Variants in GEN1 observed in about 807,000 individuals in gnomAD.
GEN1 encodes flap endonuclease GEN homolog 1.
Under a neutral mutation model 67.6 loss-of-function variants are expected in GEN1, and 64 were observed. The ratio of observed to expected loss-of-function variants is 0.95; its 90% CI spans 0.77 to 1.17. The LOEUF (loss-of-function observed/expected upper bound fraction) is 1.17, where lower values mean the gene tolerates loss of function less well. Ranked by LOEUF, GEN1 falls within the 50% of genes most tolerant of loss-of-function variation. The pLI is 0.00. For missense variants in GEN1, 1,058 were observed against 1,048.3 expected, an observed-to-expected ratio of 1.01 and a Z score of -0.13; for synonymous variants, 371 against 359.4, an observed-to-expected ratio of 1.03 and a Z score of -0.37.
chr2:17,753,564 G>A (rs187116045), upstream of GEN1: 9,935 of 152,212 alleles, frequency 0.065, 738 homozygotes, highest in African/African-American at 0.18. Flanking sequence ...CAGCCAAGGG[G>A]GCAGCGGGCG....
chr2:17,769,115 A>G (rs1179448307), intron 6 of GEN1, among the ~76,000 whole-genome samples: 3 of 152,012 alleles, frequency 2.0e-5, no homozygotes, highest in African/African-American at 7.2e-5. Flanking sequence ...AACCTGCCGG[A>G]GTCAAGTGAT....
intron 11 of GEN1, 27 bp from the exon 12 acceptor site, chr2:17,777,975 A>T: frequency 7.7e-7 from 1 of 1,300,322 alleles, no homozygotes; most frequent in Non-Finnish European, 1.1e-6. Context: ...ATGCAATTAG[A>T]CTTCATTAAA....
At chr2:17,765,110 C>A in intron 4 of GEN1, 37 bp downstream of exon 4, 1 of 1,590,804 alleles carries the variant, frequency 6.3e-7, no homozygotes, top group East Asian at 2.2e-5. Flanking sequence ...CATTTGTTTA[C>A]GAACTACCTT....
Position 17,773,217 on chromosome 2 carries a change from A to T in GEN1, c.991-2A>T. 1 of 1,589,426 alleles carries T rather than the reference A, an allele frequency of 6.3e-7. No homozygotes were observed. The highest frequency in any genetic ancestry group is 8.6e-7 in the Non-Finnish European group (1 of 1,162,072). ...AGTTTCTATTTTCTTTTTTCTTGCT[A>T]GGTTATTCAAGAATTCCTTTTAAAC... is the stretch of plus-strand genomic sequence containing the variant. On this transcript the variant is annotated splice_acceptor_variant, in intron 9 of 13. Transcript: ENST00000381254. LOFTEE classifies it high-confidence loss of function.
intron 4 of GEN1, 116 bp from the exon 5 acceptor site, chr2:17,766,463 C>T (rs1408974078): frequency 3.2e-6 from 2 of 621,772 alleles, no homozygotes; most frequent in African/African-American, 3.8e-5. Context: ...AGCCACCATG[C>T]CCAGCCTGGA....
rs372434975 is a variant in GEN1, at chr2:17,778,403, TAC to T, written c.1264+346_1264+347del. 1.4e-4 allele frequency among the ~76,000 whole-genome samples: 6 copies of T among 42,158 alleles called. 2 individuals are homozygous for T. Among genetic ancestry groups the T allele is most frequent in the Non-Finnish European group, 2.0e-4 (4 of 20,270 alleles). 27.7% of individuals were successfully genotyped at this position (42,158 alleles called of 152,430 possible). Reference sequence around the variant, plus strand: ...ATATATGTGTGTACATATATGTATATACACACATATATGTGTGTACATATATG... The same window carrying T: ...ATATATGTGTGTACATATATGTATATACACATATATGTGTGTACATATATG... On this transcript the variant is annotated intron_variant, in intron 12 of 13. Coordinates refer to ENST00000381254, the MANE Select transcript of GEN1 (RefSeq NM_001130009.3).
intron 12 of GEN1, among the ~76,000 whole-genome samples, chr2:17,779,146 C>T (rs968553806): frequency 1.3e-5 from 2 of 152,146 alleles, no homozygotes; most frequent in African/African-American, 4.8e-5. Flanking sequence ...TGGTCTCGAA[C>T]CCCTGACCTC....
At chr2:17,768,389 G>A (rs1253707411) in intron 5 of GEN1, among the ~76,000 whole-genome samples, 1 of 152,078 alleles carries the variant, frequency 6.6e-6, no homozygotes, top group Non-Finnish European at 1.5e-5. Context: ...ATAAAGTTAG[G>A]TTAAATTAAA....
At chr2:17,766,977 T>G (rs1461164798) in intron 5 of GEN1, among the ~76,000 whole-genome samples, 3 of 152,358 alleles carry the variant, frequency 2.0e-5, no homozygotes, top group African/African-American at 7.2e-5. Flanking sequence ...TATGTTTGAC[T>G]ATCTTTTTAA....
In GEN1 at chr2:17,766,484, A is replaced by C. The variant is rs766141347; in HGVS notation, c.526-95A>C. 20 of 721,164 alleles carry C rather than the reference A, an allele frequency of 2.8e-5. No individual in the cohort carries two copies. In the African/African-American group the frequency reaches 2.9e-4, roughly 10 times the overall value. The allele number at this position is 721,164 out of a possible 1,614,324, so 44.7% of individuals were successfully genotyped here. On this transcript the variant is annotated intron_variant, in intron 4 of 13. Transcript: ENST00000381254. ...CATGCCCAGCCTGGAATAATTAAAC[A>C]TTTAAAGATAACATTGACAAATTAT...
chr2:17,771,994 G>GT (rs1672213189), intron 7 of GEN1, among the ~76,000 whole-genome samples: 1 of 151,958 alleles, frequency 6.6e-6, no homozygotes, highest in African/African-American at 2.4e-5. Flanking sequence ...CTATTGTATA[G>GT]TTTTTTGATA....
chr2:17,780,975 T>C lies in GEN1; in HGVS notation c.1763T>C (p.Ile588Thr), dbSNP rs1366289225. The C allele has an allele frequency of 1.2e-6, 2 of 1,613,344 alleles. No individual in the cohort carries two copies. Among genetic ancestry groups the C allele is most frequent in the Non-Finnish European group, 1.7e-6 (2 of 1,179,512 alleles). Residue 588 changes from isoleucine (I) to threonine (T), a missense_variant, in exon 14 of 14, where the codon ATT (isoleucine) becomes ACT (threonine). Physicochemically the swap from Ile to Thr is moderately conservative, Grantham distance 89. Transcript: ENST00000381254. ...ATTGCTGATCTACACTTGAGCACTA[T>C]TGACTGGGAAGGTACTTCTTTTAGT... ...SVIADLHLST[I>T]DWEGTSFSNS... is the part of the protein sequence containing the mutation.
chr2:17,760,154 G>T, intron 2 of GEN1, 50 bp downstream of exon 2: 15 of 1,506,362 alleles, frequency 1.0e-5, no homozygotes, highest in South Asian at 2.5e-5. Flanking sequence ...AAACAGTCTT[G>T]GTATCTTGAT....
rs577000598 is a variant in GEN1 at position 17,777,951 on chromosome 2, T to C, written c.1203-51T>C. The C allele has an allele frequency of 1.9e-4, 203 of 1,075,806 alleles. 3 individuals carry two copies. The South Asian group carries it at 2.6e-3, about 14-fold the overall frequency. The allele number at this position is 1,075,806 out of a possible 1,614,324, so 66.6% of individuals were successfully genotyped here. A position where few individuals can be genotyped will look rare whatever the true frequency, so the allele number is the denominator to read the frequency against. On this transcript the variant is annotated intron_variant, in intron 11 of 13. Coordinates refer to ENST00000381254, the MANE Select transcript of GEN1 (RefSeq NM_001130009.3). ...AATTATTCAGGTTAGAAATGGAAAA[T>C]TTCCAAATATCTTATGCAATTAGAC...
Position 17,772,244 on chromosome 2 carries a change from A to G in GEN1, c.803-390A>G, listed in dbSNP as rs118144401. ...ATACACTCGTTAAAGAAACTATTCT[A>G]TTAGAGCTATTCTATTAAGTAAATA... On this transcript the variant is annotated intron_variant, in intron 7 of 13. Transcript: ENST00000381254. Among the ~76,000 whole-genome samples the G allele has an allele frequency of 4.5e-3, 678 of 152,208 alleles. 2 individuals carry two copies. Among genetic ancestry groups the G allele is most frequent in the East Asian group, 0.03 (156 of 5,186 alleles).
intron 12 of GEN1, among the ~76,000 whole-genome samples, chr2:17,778,773 T>G (rs1371047583): frequency 7.0e-6 from 1 of 143,860 alleles, no homozygotes; most frequent in Non-Finnish European, 1.5e-5. Flanking sequence ...GTACACTTCC[T>G]TTCCTTTTTT....
intron 11 of GEN1, among the ~76,000 whole-genome samples, chr2:17,775,543 A>T (rs1672386309): frequency 6.6e-6 from 1 of 152,252 alleles, no homozygotes; most frequent in African/African-American, 2.4e-5. Flanking sequence ...TATTGTAGAC[A>T]TCAACGATAA....
intron 6 of GEN1, 184 bp from the exon 7 acceptor site, chr2:17,771,012 C>T (rs1054308471): frequency 1.5e-6 from 1 of 656,628 alleles, no homozygotes; most frequent in East Asian, 3.0e-5. Context: ...TGTCCTTGGG[C>T]CTTGGGGCCA....
chr2:17,764,744 T>C (rs538515573), intron 3 of GEN1, among the ~76,000 whole-genome samples, 153 bp from the exon 4 acceptor site: 38 of 152,292 alleles, frequency 2.5e-4, no homozygotes, highest in Admixed American at 1.4e-3. Flanking sequence ...TATTCAGTCA[T>C]TGTTCAAATT....
Sources: allele counts gnomAD v4.1 joint callset (sites outside exome capture counted in the v4.1 genomes callset), GRCh38; gene constraint gnomAD v4.1.1; transcripts MANE v1.5; gene names NCBI Gene and HGNC (gene_info 2026-07-23, HGNC 2026-07-21).